Variants in PARD3 observed in about 807,000 individuals in gnomAD.
PARD3 encodes par-3 family cell polarity regulator.
In PARD3, 75 loss-of-function variants were observed where a neutral mutation model predicts 155.4. That is an observed-to-expected ratio of 0.48 (90% CI 0.40 to 0.58). PARD3 has a LOEUF of 0.58. PARD3 is among the 20% of genes least tolerant of loss of function. PARD3 has a pLI of 0.00. For missense variants in PARD3, 1,642 were observed against 1,721.7 expected (o/e 0.95, Z 0.82); for synonymous variants, 576 against 610.5 (o/e 0.94, Z 0.83).
At chr10:34,565,918 A>T (rs1454243136) in intron 2 of PARD3, among the ~76,000 whole-genome samples, 4 of 152,214 alleles carry the variant, frequency 2.6e-5, no homozygotes, top group Non-Finnish European at 5.9e-5. Flanking sequence ...CTGATTTTCC[A>T]TTGTGTCAAA....
intron 2 of PARD3, among the ~76,000 whole-genome samples, chr10:34,649,216 G>T (rs374376457): frequency 1.3e-5 from 2 of 152,194 alleles, no homozygotes; most frequent in African/African-American, 4.8e-5. Context: ...AGCCAAGGAA[G>T]GAGGATTATT....
intron 2 of PARD3, among the ~76,000 whole-genome samples, chr10:34,628,691 G>A (rs947741649): frequency 9.9e-5 from 15 of 152,204 alleles, no homozygotes; most frequent in African/African-American, 3.1e-4. Flanking sequence ...GCCACACTGC[G>A]CAGCACTGAT....
intron 2 of PARD3, among the ~76,000 whole-genome samples, chr10:34,674,655 T>A (rs1334912245): frequency 6.6e-6 from 1 of 151,766 alleles, no homozygotes. Flanking sequence ...CCCAGCTAAT[T>A]TTCGTATTTT....
chr10:34,622,715 G>C (rs537699896), intron 2 of PARD3, among the ~76,000 whole-genome samples: 3 of 152,126 alleles, frequency 2.0e-5, no homozygotes, highest in African/African-American at 7.2e-5. Context: ...AAGCTTTTGG[G>C]AAAACAAGAT....
At chr10:34,577,590 T>G (rs1439255283) in intron 2 of PARD3, among the ~76,000 whole-genome samples, 2 of 152,216 alleles carry the variant, frequency 1.3e-5, no homozygotes, top group Non-Finnish European at 2.9e-5. Context: ...TTCACACACC[T>G]TTCCTTCTGT....
At chr10:34,247,848 C>G (rs1177567187) in intron 22 of PARD3, among the ~76,000 whole-genome samples, 1 of 152,120 alleles carries the variant, frequency 6.6e-6, no homozygotes, top group East Asian at 1.9e-4. Context: ...TTCCTTTAAA[C>G]CTTAACTGTT....
intron 22 of PARD3, among the ~76,000 whole-genome samples, chr10:34,232,006 C>T (rs1398444504): frequency 1.3e-5 from 2 of 151,968 alleles, no homozygotes; most frequent in Admixed American, 1.3e-4. Flanking sequence ...GATAATAGGC[C>T]GAAACACTCA....
At chr10:34,343,212 C>T (rs1397868224) in intron 15 of PARD3, 2 of 522,242 alleles carry the variant, frequency 3.8e-6, no homozygotes, top group African/African-American at 2.1e-5. Flanking sequence ...ACTGACGAGG[C>T]ATGTCACAAT....
At chr10:34,685,860 C>T (rs2133381371) in intron 2 of PARD3, among the ~76,000 whole-genome samples, 1 of 152,290 alleles carries the variant, frequency 6.6e-6, no homozygotes, top group East Asian at 1.9e-4. Flanking sequence ...TCCCAAACTG[C>T]TGGGATTACA....
chr10:34,339,163 G>C (rs1836523371), intron 16 of PARD3, among the ~76,000 whole-genome samples: 1 of 152,054 alleles, frequency 6.6e-6, no homozygotes, highest in South Asian at 2.1e-4. Flanking sequence ...TTTATATATT[G>C]TCAGTGGATC....
At chr10:34,652,759 A>T (rs566985257) in intron 2 of PARD3, among the ~76,000 whole-genome samples, 15 of 152,338 alleles carry the variant, frequency 9.8e-5, no homozygotes, top group Middle Eastern at 3.4e-3. Context: ...TACATTCTAG[A>T]AAATGAAAAT....
intron 1 of PARD3, among the ~76,000 whole-genome samples, chr10:34,747,855 A>T (rs1835496026): frequency 6.6e-6 from 1 of 152,226 alleles, no homozygotes; most frequent in Non-Finnish European, 1.5e-5. Context: ...TCCACTCCTA[A>T]GGCTCTCTCT....
At position 34,537,510 on chromosome 10, in the gene PARD3, G is replaced by A. The variant is rs542057983; in HGVS notation, c.223-20351C>T. 7.9e-5 allele frequency among the ~76,000 whole-genome samples: 12 copies of A among 152,246 alleles called. No homozygotes were observed. The East Asian group carries it at 1.7e-3, about 22-fold the overall frequency. On this transcript the variant is annotated intron_variant, in intron 2 of 24. Transcript: ENST00000374788. ...GGAGACAATGGGTGTTCACAGATTC[G>A]AAGTCCAACCAACCCAGACCTTGAC...
chr10:34,807,515 C>CTA (rs1843558364), intron 1 of PARD3, among the ~76,000 whole-genome samples: 3 of 152,138 alleles, frequency 2.0e-5, no homozygotes, highest in Admixed American at 2.0e-4. Context: ...TCACAGTCTC[C>CTA]ATGACTCCAA....
chr10:34,354,871 G>A (rs771453310), intron 14 of PARD3, among the ~76,000 whole-genome samples: 2 of 152,182 alleles, frequency 1.3e-5, no homozygotes, highest in Admixed American at 6.5e-5. Flanking sequence ...GGACTGACGT[G>A]ATTAATGTGT....
intron 12 of PARD3, among the ~76,000 whole-genome samples, chr10:34,361,531 T>C (rs1329894788): frequency 1.3e-5 from 2 of 152,200 alleles, no homozygotes; most frequent in Non-Finnish European, 2.9e-5. Context: ...CCCAAGGAAT[T>C]TGGAATTCAA....
At chr10:34,410,595 C>T (rs1317158684) in intron 5 of PARD3, among the ~76,000 whole-genome samples, 2 of 152,188 alleles carry the variant, frequency 1.3e-5, no homozygotes, top group Non-Finnish European at 2.9e-5. Context: ...TATCAAACTA[C>T]TTTCTAAAAT....
At chr10:34,115,592 G>A (rs1002983797) in intron 24 of PARD3, among the ~76,000 whole-genome samples, 7 of 151,944 alleles carry the variant, frequency 4.6e-5, no homozygotes, top group African/African-American at 1.7e-4. Flanking sequence ...TTGAGGTGAT[G>A]GATATGTTAG....
intron 2 of PARD3, among the ~76,000 whole-genome samples, chr10:34,580,937 T>G (rs2087390689): frequency 6.6e-6 from 1 of 152,216 alleles, no homozygotes; most frequent in Non-Finnish European, 1.5e-5. Flanking sequence ...CTGACTTACA[T>G]GGTCTAACAC....
Sources: allele counts gnomAD v4.1 joint callset (sites outside exome capture counted in the v4.1 genomes callset), GRCh38; gene constraint gnomAD v4.1.1; transcripts MANE v1.5; gene names NCBI Gene and HGNC (gene_info 2026-07-23, HGNC 2026-07-21).